PODNL1: variants seen among roughly 807,000 people sequenced by gnomAD.
The protein encoded by PODNL1 is podocan like 1.
A neutral mutation model predicts 45.1 loss-of-function variants in PODNL1; 50 were observed. The ratio of observed to expected loss-of-function variants is 1.11; its 90% confidence interval spans 0.88 to 1.40. PODNL1 has a LOEUF of 1.40. Ranked by LOEUF, PODNL1 falls within the 40% of genes most tolerant of loss-of-function variation. The pLI, the probability that PODNL1 is intolerant of heterozygous loss-of-function variation, is 0.00. For synonymous variants in PODNL1, 406 were observed against 372.5 expected, an observed-to-expected ratio of 1.09 and a Z score of -1.04; for missense variants, 788 against 793.3, an observed-to-expected ratio of 0.99 and a Z score of 0.08.
In PODNL1 at chr19:13,933,488, C is replaced by T. The variant is rs1972111640; in HGVS notation, c.768-33G>A. On this transcript the variant is annotated intron_variant, in intron 7 of 9. Transcript: ENST00000588872. This position sits in a 1 kb window ranked among gnomAD's most constrained non-coding sequence, Gnocchi z 5.2. ...GAGAGAGGGTCGGTGTTAGGTGGGG[C>T]ACTTGGAGTGGGGTGCCTGACAGAT... 2.0e-6 allele frequency: 3 copies of T among 1,522,418 alleles called. No individual in the cohort carries two copies. The highest frequency in any genetic ancestry group is 2.6e-6 in the Non-Finnish European group (3 of 1,138,946). 94.3% of individuals were successfully genotyped at this position (1,522,418 alleles called of 1,614,324 possible).
chr19:13,936,370 CGGA>C lies in PODNL1; in HGVS notation c.313_315del (p.Ser105del). 1 of 1,611,984 alleles carries C rather than the reference CGGA, an allele frequency of 6.2e-7. No individual in the cohort carries two copies. The highest frequency in any genetic ancestry group is 2.2e-5 in the East Asian group (1 of 44,866). On this transcript the variant is annotated inframe_deletion, in exon 3 of 10. Coordinates refer to ENST00000588872, the MANE Select transcript of PODNL1 (RefSeq NM_001370095.3). ...CCGCCTCCCTCTGCCCCCTCACCTTCGGAGGAGATGAGGTTGTTGTGGAGGTTG... is the reference window on the plus strand; with the variant it reads ...CCGCCTCCCTCTGCCCCCTCACCTTCGGAGATGAGGTTGTTGTGGAGGTTG...
chr19:13,934,824 TGTGTGCATGCCTGTGCATAA>T (rs1972227223), intron 5 of PODNL1, among the ~76,000 whole-genome samples: 1 of 151,986 alleles, frequency 6.6e-6, no homozygotes, highest in African/African-American at 2.4e-5. Flanking sequence ...TGGGTGTGCA[TGTGTGCATGCCTGTGCATAA>T]GTGTGCATGT....
chr19:13,932,440 C>T, intron 8 of PODNL1: 1 of 579,034 alleles, frequency 1.7e-6, no homozygotes, highest in South Asian at 2.6e-5. Flanking sequence ...CGGCTCATTG[C>T]AGCCTCAAAC....
upstream of PODNL1, among the ~76,000 whole-genome samples, chr19:13,939,427 G>A (rs1329152318): frequency 6.6e-6 from 1 of 152,042 alleles, no homozygotes; most frequent in Non-Finnish European, 1.5e-5. Flanking sequence ...GGCCAGGCTG[G>A]TCTCGAACTC....
At chr19:13,953,320 C>G (rs139510753) in exon 1 of PODNL1, 33 of 573,090 alleles carry the variant, frequency 5.8e-5, no homozygotes, top group Non-Finnish European at 7.9e-5. Flanking sequence ...TGGGCAGTAA[C>G]TGGGGCAAGG....
chr19:13,935,789 G>C lies in PODNL1; in HGVS notation c.426C>G (p.Val142=). Residue 142 remains valine (V), a synonymous_variant, in exon 5 of 10, where the codon GTC becomes GTG. Coordinates refer to ENST00000588872, the MANE Select transcript of PODNL1 (RefSeq NM_001370095.3). ...TCACTTGGTTGGCAGCCAGATCCGC[G>C]ACACGGAGGGACCGGGGCAGAAACT... ...APQFLPRSLR[V]ADLAANQVME... 6.3e-7 allele frequency: 1 copy of C among 1,598,422 alleles called. No homozygotes were observed.
At position 13,938,258 on chromosome 19, in the gene PODNL1, G is replaced by T; in HGVS notation, c.-77C>A. 1 of 1,555,460 alleles carries T rather than the reference G, an allele frequency of 6.4e-7. No homozygotes were observed. The highest frequency in any genetic ancestry group is 8.7e-7 in the Non-Finnish European group (1 of 1,153,148). On this transcript the variant is annotated 5_prime_UTR_variant, in exon 1 of 10. Transcript: ENST00000588872. ...ATGGAAACCAGGCGGTCACCTCCTG[G>T]AGCCTCTGCTGTGGCCACCACCGCC...
rs1568430925 is a variant in PODNL1 at position 13,933,305 on chromosome 19, C to T, written c.918G>A (p.Leu306=). The T allele has an allele frequency of 1.9e-6, 3 of 1,587,896 alleles. No individual in the cohort carries two copies. Among genetic ancestry groups the T allele is most frequent in the African/African-American group, 1.3e-5 (1 of 74,650 alleles). ...GGTTGTGCTGCAGCAACAAATAGCG[C>T]AGACCACGCGCCCCGTGCAGCCGAG... is the stretch of plus-strand genomic sequence containing the variant. The part of the protein sequence containing the change: ...EAARLHGARG[L]RYLLLQHNQL... The change falls in exon 8 of 10, where the codon CTG becomes CTA. Residue 306 remains leucine, a synonymous_variant. Coordinates refer to ENST00000588872, the MANE Select transcript of PODNL1 (RefSeq NM_001370095.3). This position sits in a 1 kb window ranked among gnomAD's most constrained non-coding sequence, Gnocchi z 5.2.
chr19:13,946,992 A>G (rs1420680245), intron 1 of PODNL1, among the ~76,000 whole-genome samples: 1 of 149,784 alleles, frequency 6.7e-6, no homozygotes, highest in East Asian at 2.0e-4. Flanking sequence ...TCGAGGCTAC[A>G]GTGAGCTATG....
chr19:13,935,742 A>G lies in PODNL1; in HGVS notation c.473T>C (p.Phe158Ser). The change falls in exon 5 of 10, where the codon TTT becomes TCT. Residue 158 changes from phenylalanine to serine, a missense_variant. Physicochemically the swap from Phe to Ser is radical, Grantham distance 155. This residue lies in a region of PODNL1 where 762 missense variants were observed against 750.9 expected (regional missense o/e 1.01). Coordinates refer to ENST00000588872, the MANE Select transcript of PODNL1 (RefSeq NM_001370095.3). ...CTACCTGAGTGCCGGCTTCTCCCCAAAGGTGAGGGGGAAGATCTCCATCAC... is the reference window on the plus strand; with the variant it reads ...CTACCTGAGTGCCGGCTTCTCCCCAGAGGTGAGGGGGAAGATCTCCATCAC... ...NQVMEIFPLT[F>S]GEKPALRSVY... The G allele has an allele frequency of 3.8e-6, 6 of 1,583,430 alleles. No individual in the cohort carries two copies. The highest frequency in any genetic ancestry group is 3.5e-5 in the South Asian group (3 of 86,916).
chr19:13,934,502 T>A (rs1217585597), intron 5 of PODNL1, 92 bp from the exon 6 acceptor site: 2 of 812,644 alleles, frequency 2.5e-6, no homozygotes, highest in East Asian at 7.1e-5. Flanking sequence ...GCCTTCAGTG[T>A]GTGTGTGTGT....
At chr19:13,932,158 G>C in intron 8 of PODNL1, 46 bp from the exon 9 acceptor site, 2 of 1,235,804 alleles carry the variant, frequency 1.6e-6, no homozygotes, top group East Asian at 3.2e-5. Flanking sequence ...CCAGGCCTGG[G>C]CCACTCAGCT....
intron 6 of PODNL1, 110 bp downstream of exon 6, chr19:13,934,144 C>T (rs149919281): frequency 7.3e-7 from 1 of 1,378,466 alleles, no homozygotes; most frequent in African/African-American, 1.4e-5. Flanking sequence ...ACTCTGACCA[C>T]TGGCATTCTG....
chr19:13,938,220 C>A lies in PODNL1; in HGVS notation c.-39G>T. 1 of 1,605,370 alleles carries A rather than the reference C, an allele frequency of 6.2e-7. No homozygotes were observed. The highest frequency in any genetic ancestry group is 1.3e-5 in the African/African-American group (1 of 74,878). Reference sequence around the variant, plus strand: ...TCTGCCATCTCGCCCAAGCTGCTGACCAGGACTTCCTAATGGAAACCAGGC... The same window carrying A: ...TCTGCCATCTCGCCCAAGCTGCTGAACAGGACTTCCTAATGGAAACCAGGC... On this transcript the variant is annotated 5_prime_UTR_variant, in exon 1 of 10. Transcript: ENST00000588872.
intron 8 of PODNL1, chr19:13,932,477 T>C (rs766008897): frequency 2.4e-4 from 150 of 631,234 alleles, no homozygotes; most frequent in South Asian, 4.8e-4. Context: ...TCCTCCTGCC[T>C]CAGCCTCCTG....
Position 13,932,955 on chromosome 19 carries a change from C to T in PODNL1, c.1268G>A (p.Gly423Asp). ...LTRLPMGLPT[G>D]LRTLQLQRNQ... is the part of the protein sequence containing the mutation. Reference sequence around the variant, plus strand: ...GCGTTGCAGCTGCAGGGTGCGCAGGCCAGTGGGCAGGCCCATGGGCAGCCG... The same window carrying T: ...GCGTTGCAGCTGCAGGGTGCGCAGGTCAGTGGGCAGGCCCATGGGCAGCCG... The change falls in exon 8 of 10, where the codon GGC (glycine) becomes GAC (aspartate). Residue 423 changes from glycine (G) to aspartate (D), a missense_variant. Transcript: ENST00000588872. 1.3e-6 allele frequency: 2 copies of T among 1,560,238 alleles called. No homozygotes were observed. Among genetic ancestry groups the T allele is most frequent in the East Asian group, 2.4e-5 (1 of 42,246 alleles).
intron 1 of PODNL1, among the ~76,000 whole-genome samples, chr19:13,952,830 C>T (rs1322332018): frequency 1.1e-4 from 9 of 81,958 alleles, no homozygotes; most frequent in East Asian, 4.3e-4. Context: ...AGTTGGGGGC[C>T]TGGATGCAGG....
At chr19:13,952,414 C>G (rs924638065) in intron 1 of PODNL1, 1 of 1,233,444 alleles carries the variant, frequency 8.1e-7, no homozygotes, top group Non-Finnish European at 1.0e-6. Flanking sequence ...GGGCTTTCGC[C>G]CAACCGGCGG....
At chr19:13,936,302 G>C in intron 3 of PODNL1, 65 bp downstream of exon 3, 1 of 1,428,062 alleles carries the variant, frequency 7.0e-7, no homozygotes, top group Non-Finnish European at 9.9e-7. Flanking sequence ...GGGGGAGGGG[G>C]ATGGCAGCTG....
Sources: gnomAD v4.1 joint callset for allele counts (sites outside exome capture counted in the v4.1 genomes callset) on GRCh38, gnomAD v4.1.1 for gene constraint, gnomAD v4.1.1 regional missense constraint, Gnocchi (gnomAD v3.1) non-coding constraint, MANE v1.5 for transcripts, NCBI Gene and HGNC (gene_info 2026-07-23, HGNC 2026-07-21) for gene names.